Variants in DNER observed in about 807,000 individuals in gnomAD.
DNER encodes the protein delta/notch like EGF repeat containing.
In DNER, 33 loss-of-function variants were observed where a neutral mutation model predicts 78.2. The ratio of observed to expected loss-of-function variants is 0.42; its 90% CI spans 0.32 to 0.56. The LOEUF (loss-of-function observed/expected upper bound fraction) is 0.56. DNER is among the 20% of genes least tolerant of loss of function. The pLI, the probability that DNER is intolerant of heterozygous loss-of-function variation, is 0.11. For synonymous variants in DNER, 417 were observed against 384.8 expected, an observed-to-expected ratio of 1.08 and a Z score of -0.98; for missense variants, 918 against 975.3, an observed-to-expected ratio of 0.94 and a Z score of 0.78.
intron 5 of DNER, among the ~76,000 whole-genome samples, chr2:229,546,458 G>A (rs5010430): frequency 0.03 from 4,520 of 152,348 alleles, 201 homozygotes; most frequent in African/African-American, 0.095. Flanking sequence ...CTATCAGGCT[G>A]GGCACAGTGG....
At chr2:229,563,644 AT>A (rs1697020421) in intron 4 of DNER, among the ~76,000 whole-genome samples, 1 of 143,450 alleles carries the variant, frequency 7.0e-6, no homozygotes, top group African/African-American at 2.6e-5. Flanking sequence ...CATCATCAAC[AT>A]CATCATCACC....
chr2:229,408,496 G>A (rs999761819), intron 9 of DNER, among the ~76,000 whole-genome samples: 3 of 151,766 alleles, frequency 2.0e-5, no homozygotes, highest in Non-Finnish European at 4.4e-5. Context: ...GCCTAAGAAC[G>A]TACATAATGA....
intron 11 of DNER, among the ~76,000 whole-genome samples, chr2:229,377,146 A>C (rs1003478996): frequency 5.3e-5 from 8 of 152,174 alleles, no homozygotes; most frequent in African/African-American, 1.7e-4. Context: ...ATTAACCTTT[A>C]TATTCCAGAA....
intron 4 of DNER, among the ~76,000 whole-genome samples, chr2:229,554,978 AGGGAAGGG>A (rs896162642): frequency 2.0e-5 from 3 of 149,802 alleles, no homozygotes; most frequent in Non-Finnish European, 4.5e-5. Context: ...AGGGAAGGGA[AGGGAAGGG>A]AAGGGAGAAA....
At chr2:229,483,309 T>C (rs6721342) in intron 6 of DNER, among the ~76,000 whole-genome samples, 19,015 of 152,150 alleles carry the variant, frequency 0.12, 1,332 homozygotes, top group South Asian at 0.2. Flanking sequence ...AGTCTTCCAA[T>C]CACAAGAAGA....
At chr2:229,605,249 G>GTTTC (rs1384317403) in intron 1 of DNER, among the ~76,000 whole-genome samples, 1 of 152,152 alleles carries the variant, frequency 6.6e-6, no homozygotes, top group East Asian at 1.9e-4. Flanking sequence ...AGAGACGGGA[G>GTTTC]TTTCTGCAGC....
At chr2:229,485,917 G>A (rs570060257) in intron 6 of DNER, among the ~76,000 whole-genome samples, 24 of 152,218 alleles carry the variant, frequency 1.6e-4, no homozygotes, top group African/African-American at 5.5e-4. Flanking sequence ...TGGCAATTGC[G>A]ACGAGAGCTA....
chr2:229,682,276 A>G (rs550922044), intron 1 of DNER, among the ~76,000 whole-genome samples: 1 of 152,198 alleles, frequency 6.6e-6, no homozygotes, highest in East Asian at 1.9e-4. Context: ...AACCTTGTAC[A>G]TAGAATGTTT....
intron 7 of DNER, among the ~76,000 whole-genome samples, chr2:229,453,920 TAAAAAAA>T (rs10602558): frequency 3.6e-4 from 38 of 106,878 alleles, no homozygotes; most frequent in Non-Finnish European, 5.9e-4. Context: ...TAAAATATAT[TAAAAAAA>T]AAAAAAAAAA....
At chr2:229,457,274 T>C (rs1559356761) in intron 7 of DNER, among the ~76,000 whole-genome samples, 2 of 152,060 alleles carry the variant, frequency 1.3e-5, no homozygotes, top group Non-Finnish European at 2.9e-5. Context: ...AAATATTCAT[T>C]TTTTTCTTAA....
intron 4 of DNER, among the ~76,000 whole-genome samples, chr2:229,563,375 ATCC>A (rs202142586): frequency 6.7e-5 from 9 of 135,274 alleles, no homozygotes; most frequent in East Asian, 2.3e-4. Context: ...CATCATCATC[ATCC>A]TCACCCCATC....
chr2:229,631,846 C>G (rs1698437914), intron 1 of DNER, among the ~76,000 whole-genome samples: 1 of 152,204 alleles, frequency 6.6e-6, no homozygotes, highest in South Asian at 2.1e-4. Flanking sequence ...AAATGGAAAT[C>G]ATAACAGCAT....
chr2:229,408,758 C>A (rs928563338), intron 9 of DNER, among the ~76,000 whole-genome samples: 18 of 152,118 alleles, frequency 1.2e-4, no homozygotes, highest in African/African-American at 4.3e-4. Flanking sequence ...ATGGAACTTC[C>A]TATCTATATT....
chr2:229,523,368 G>T (rs915288082), intron 5 of DNER, among the ~76,000 whole-genome samples: 1 of 152,192 alleles, frequency 6.6e-6, no homozygotes, highest in African/African-American at 2.4e-5. Flanking sequence ...CGCTCTGGAG[G>T]TTACACAGCC....
At chr2:229,636,259 C>CA (rs1423194787) in intron 1 of DNER, among the ~76,000 whole-genome samples, 1 of 152,226 alleles carries the variant, frequency 6.6e-6, no homozygotes, top group East Asian at 1.9e-4. Context: ...CAGCTGGGCT[C>CA]AGTCCCTCAG....
chr2:229,712,624 T>C (rs1439084103), intron 1 of DNER, among the ~76,000 whole-genome samples: 1 of 152,226 alleles, frequency 6.6e-6, no homozygotes, highest in African/African-American at 2.4e-5. Flanking sequence ...ACAGGGAAAA[T>C]TAGCGTGAGT....
At chr2:229,520,638 T>C (rs1477710552) in intron 5 of DNER, among the ~76,000 whole-genome samples, 1 of 152,162 alleles carries the variant, frequency 6.6e-6, no homozygotes, top group Non-Finnish European at 1.5e-5. Context: ...ATTTTAAGAA[T>C]CTGGCTAAGT....
chr2:229,496,552 C>A (rs984641927), intron 6 of DNER, among the ~76,000 whole-genome samples: 1 of 151,900 alleles, frequency 6.6e-6, no homozygotes, highest in Non-Finnish European at 1.5e-5. Flanking sequence ...ATGATGCCTA[C>A]CAGAGATTCA....
At chr2:229,455,374 G>C (rs779567660) in intron 7 of DNER, among the ~76,000 whole-genome samples, 18 of 152,076 alleles carry the variant, frequency 1.2e-4, no homozygotes, top group Non-Finnish European at 2.2e-4. Context: ...GACACATGTG[G>C]TCAATAAATG....
Sources: gnomAD v4.1 joint callset for allele counts (sites outside exome capture counted in the v4.1 genomes callset) on GRCh38, gnomAD v4.1.1 for gene constraint, MANE v1.5 for transcripts, NCBI Gene and HGNC (gene_info 2026-07-23, HGNC 2026-07-21) for gene names.